The following LEKR1 variants were observed in gnomAD, a reference collection of about 807,000 sequenced individuals.
LEKR1 encodes the protein protein LEKR1.
Under a neutral mutation model 72.4 loss-of-function variants are expected in LEKR1, and 59 were observed. That is an observed-to-expected ratio of 0.82 (90% CI 0.66 to 1.01). LEKR1 has a LOEUF of 1.01. Ranked by LOEUF, LEKR1 falls within the 50% of genes least tolerant of loss-of-function variation. LEKR1 has a pLI of 0.00. For synonymous variants in LEKR1, 257 were observed against 263.2 expected, an observed-to-expected ratio of 0.98 and a Z score of 0.23; for missense variants, 728 against 759.2, an observed-to-expected ratio of 0.96 and a Z score of 0.48.
chr3:157,011,765 T>G (rs2046269), intron 10 of LEKR1, among the ~76,000 whole-genome samples: 92,558 of 151,848 alleles, frequency 0.61, 29,184 homozygotes, highest in South Asian at 0.8. Context: ...GCATTTTTTT[T>G]GCTTTTAAAT....
intron 5 of LEKR1, among the ~76,000 whole-genome samples, chr3:156,939,702 T>C (rs1003777541): frequency 3.3e-5 from 5 of 152,276 alleles, no homozygotes; most frequent in South Asian, 4.1e-4. Context: ...CTTTATGTAA[T>C]TGATATTTTT....
chr3:156,962,139 G>C (rs1371385204), intron 6 of LEKR1, among the ~76,000 whole-genome samples: 2 of 152,210 alleles, frequency 1.3e-5, no homozygotes, highest in Non-Finnish European at 2.9e-5. Context: ...TCATCCGTCT[G>C]TATGGCAGAT....
rs528399700 is a variant in LEKR1 at position 156,894,394 on chromosome 3, G to A, written c.264-26181G>A. ...ATTCCTAAGAAATATTATTGAAAAA[G>A]TTATCTGTGATTAAATTTATGTTTG... On this transcript the variant is annotated intron_variant, in intron 3 of 12. Coordinates refer to ENST00000356539, the MANE Select transcript of LEKR1 (RefSeq NM_001004316.3). Among the ~76,000 whole-genome samples the A allele has an allele frequency of 3.2e-4, 48 of 152,154 alleles. 1 individual carries two copies. In the South Asian group the frequency reaches 9.5e-3, roughly 30 times the overall value.
At chr3:156,840,273 C>T (rs898117523) in intron 2 of LEKR1, among the ~76,000 whole-genome samples, 1 of 152,116 alleles carries the variant, frequency 6.6e-6, no homozygotes, top group African/African-American at 2.4e-5. Context: ...GTTCGCACCC[C>T]TAATGTCCAT....
intron 12 of LEKR1, among the ~76,000 whole-genome samples, chr3:157,034,513 T>C (rs1051806836): frequency 6.6e-6 from 1 of 152,194 alleles, no homozygotes; most frequent in Non-Finnish European, 1.5e-5. Context: ...GCTGAACTGC[T>C]GCAAACTTGA....
chr3:156,861,013 T>G (rs1716704794), intron 3 of LEKR1, among the ~76,000 whole-genome samples: 1 of 152,136 alleles, frequency 6.6e-6, no homozygotes, highest in Non-Finnish European at 1.5e-5. Context: ...AAGTTTCACC[T>G]TATGTGCTAT....
chr3:156,978,629 A>G lies in LEKR1; in HGVS notation c.746-565A>G, dbSNP rs1265260905. Among the ~76,000 whole-genome samples, 6 of 152,162 alleles carry G rather than the reference A, an allele frequency of 3.9e-5. No individual in the cohort carries two copies. In the South Asian group the frequency reaches 1.2e-3, roughly 31 times the overall value. On this transcript the variant is annotated intron_variant, in intron 6 of 12. Transcript: ENST00000356539. ...GAATAATAATCCTCAAATACTGCTTACATTCTCCAGTTAAAGACTCTATGG... is the reference window on the plus strand; with the variant it reads ...GAATAATAATCCTCAAATACTGCTTGCATTCTCCAGTTAAAGACTCTATGG...
chr3:156,833,688 A>G (rs1560010994), intron 2 of LEKR1, among the ~76,000 whole-genome samples: 1 of 152,168 alleles, frequency 6.6e-6, no homozygotes, highest in Non-Finnish European at 1.5e-5. Flanking sequence ...TATTGAAAAA[A>G]TTAATGAAAT....
chr3:156,953,556 C>T (rs1204435224), intron 6 of LEKR1, among the ~76,000 whole-genome samples: 1 of 151,688 alleles, frequency 6.6e-6, no homozygotes, highest in Non-Finnish European at 1.5e-5. Context: ...CCCCATGTGT[C>T]CATATGTTCC....
At chr3:156,912,335 G>A (rs898732508) in intron 3 of LEKR1, among the ~76,000 whole-genome samples, 73 of 152,192 alleles carry the variant, frequency 4.8e-4, no homozygotes, top group African/African-American at 1.6e-3. Flanking sequence ...CTAGCCACTG[G>A]GATAATATTC....
intron 4 of LEKR1, among the ~76,000 whole-genome samples, chr3:156,926,128 C>T (rs1200818903): frequency 1.3e-5 from 2 of 151,904 alleles, no homozygotes; most frequent in East Asian, 3.9e-4. Context: ...TATTCAGATA[C>T]ATTGGAGAAA....
chr3:156,932,723 A>AAG (rs1560090933), intron 5 of LEKR1, among the ~76,000 whole-genome samples: 6 of 142,702 alleles, frequency 4.2e-5, no homozygotes, highest in Admixed American at 7.0e-5. Flanking sequence ...AAAAAAAAAA[A>AAG]GGGTATCTAT....
intron 3 of LEKR1, among the ~76,000 whole-genome samples, chr3:156,864,647 A>T (rs1463274402): frequency 1.3e-5 from 2 of 152,058 alleles, no homozygotes; most frequent in East Asian, 3.9e-4. Flanking sequence ...ATTTCAAAAA[A>T]AGTTCTAATT....
At chr3:157,008,730 A>G (rs1732658274) in intron 9 of LEKR1, among the ~76,000 whole-genome samples, 1 of 152,224 alleles carries the variant, frequency 6.6e-6, no homozygotes, top group Non-Finnish European at 1.5e-5. Flanking sequence ...TTGTATTCCT[A>G]AAAAATGTTA....
chr3:156,923,829 G>A (rs1040908565), intron 4 of LEKR1, among the ~76,000 whole-genome samples: 9 of 151,768 alleles, frequency 5.9e-5, no homozygotes, highest in Admixed American at 1.3e-4. Flanking sequence ...CCAGGTTCAC[G>A]CCATTCTCCT....
At chr3:156,917,297 C>A (rs188478083) in intron 3 of LEKR1, among the ~76,000 whole-genome samples, 1 of 152,014 alleles carries the variant, frequency 6.6e-6, no homozygotes, top group Admixed American at 6.6e-5. Flanking sequence ...ATGTTCCAGA[C>A]AGAAACAGAA....
At chr3:156,911,744 A>G (rs551418463) in intron 3 of LEKR1, among the ~76,000 whole-genome samples, 1 of 152,030 alleles carries the variant, frequency 6.6e-6, no homozygotes, top group East Asian at 1.9e-4. Context: ...TCTCAGCACT[A>G]TTTGTTAAGT....
chr3:156,906,794 A>T (rs967919076), intron 3 of LEKR1, among the ~76,000 whole-genome samples: 10 of 152,190 alleles, frequency 6.6e-5, no homozygotes, highest in African/African-American at 2.4e-4. Context: ...TGTATGTAAC[A>T]TTCATTTGGA....
intron 3 of LEKR1, chr3:156,853,448 G>C (rs1715644438): frequency 6.6e-6 from 1 of 152,600 alleles, no homozygotes; most frequent in Non-Finnish European, 1.5e-5. Context: ...ATTAAAGAAT[G>C]GGTTTCTAAT....
Sources: allele counts gnomAD v4.1 joint callset (sites outside exome capture counted in the v4.1 genomes callset), GRCh38; gene constraint gnomAD v4.1.1; transcripts MANE v1.5; gene names NCBI Gene and HGNC (gene_info 2026-07-23, HGNC 2026-07-21).